Variants in CFAP119 observed in about 807,000 individuals in gnomAD.
The protein encoded by CFAP119 is cilia- and flagella-associated protein 119.
chr16:30,761,045 G>T, the CFAP119 span: 27 of 810,826 alleles, frequency 3.3e-5, no homozygotes, highest in Admixed American at 7.1e-4. Context: ...GACTGGAGAG[G>T]CTGGAAAGCC....
the CFAP119 span, chr16:30,760,015 A>G: frequency 1.3e-6 from 2 of 1,481,950 alleles, no homozygotes; most frequent in Non-Finnish European, 1.8e-6. Context: ...AGCAAGAGCT[A>G]TTAAACATTC....
the CFAP119 span, chr16:30,757,699 C>G: frequency 6.4e-7 from 1 of 1,565,876 alleles, no homozygotes; most frequent in Non-Finnish European, 8.7e-7. Context: ...GAGATGCTGT[C>G]TGGCAATGGG....
the CFAP119 span, chr16:30,757,592 G>C: frequency 7.4e-6 from 12 of 1,614,056 alleles, no homozygotes; most frequent in Non-Finnish European, 1.0e-5. Context: ...ACCAGCCCCT[G>C]GAGCTGCTCC....
At chr16:30,759,002 A>G in the CFAP119 span, 2 of 1,614,214 alleles carry the variant, frequency 1.2e-6, no homozygotes, top group South Asian at 1.1e-5. Flanking sequence ...TGCCCTCTCC[A>G]GATCCTCACT....
At chr16:30,760,917 T>C in the CFAP119 span, 1 of 613,484 alleles carries the variant, frequency 1.6e-6, no homozygotes, top group Non-Finnish European at 2.9e-6. Context: ...TGTATGACCT[T>C]GGTCAAGTAC....
At chr16:30,761,900 G>T in the CFAP119 span, 1 of 756,014 alleles carries the variant, frequency 1.3e-6, no homozygotes, top group East Asian at 2.8e-5. Flanking sequence ...CGAATCCGTG[G>T]GGGCGTCTCC....
the CFAP119 span, chr16:30,759,888 A>G: frequency 6.9e-7 from 1 of 1,445,972 alleles, no homozygotes; most frequent in Non-Finnish European, 9.1e-7. Flanking sequence ...TACCCACTAT[A>G]TGCCCACTGT....
chr16:30,759,653 C>T, the CFAP119 span: 1 of 1,614,038 alleles, frequency 6.2e-7, no homozygotes, highest in Non-Finnish European at 8.5e-7. Flanking sequence ...GGGGAACTGA[C>T]CCTGACTCCA....
At chr16:30,759,190 C>T in the CFAP119 span, 1 of 1,614,224 alleles carries the variant, frequency 6.2e-7, no homozygotes, top group Non-Finnish European at 8.5e-7. Flanking sequence ...GTCTCACTCT[C>T]TGGCCACAGT....
the CFAP119 span, chr16:30,760,614 C>CTCAGT: frequency 6.4e-7 from 1 of 1,557,984 alleles, no homozygotes; most frequent in East Asian, 2.4e-5. Context: ...ACTCCCTCAT[C>CTCAGT]TCAGCATTGG....
At chr16:30,761,040 G>C in the CFAP119 span, 4 of 754,410 alleles carry the variant, frequency 5.3e-6, no homozygotes, top group African/African-American at 1.8e-5. Flanking sequence ...CTTTGGACTG[G>C]AGAGGCTGGA....
the CFAP119 span, chr16:30,761,837 C>T: frequency 7.9e-7 from 1 of 1,259,370 alleles, no homozygotes; most frequent in Non-Finnish European, 1.1e-6. Context: ...CTACCAAGGC[C>T]GGGCCCGTTC....
chr16:30,761,151 A>G, the CFAP119 span: 11 of 1,604,908 alleles, frequency 6.9e-6, no homozygotes, highest in Non-Finnish European at 9.4e-6. Flanking sequence ...TGGGGAGACA[A>G]TAAAGAACGC....
At chr16:30,760,732 T>C in the CFAP119 span, 13 of 1,448,782 alleles carry the variant, frequency 9.0e-6, no homozygotes, top group South Asian at 1.3e-4. Context: ...CTGTGACAGC[T>C]AGTGCGTGAG....
At chr16:30,760,957 A>T in the CFAP119 span, 1 of 612,928 alleles carries the variant, frequency 1.6e-6, no homozygotes, top group Non-Finnish European at 2.9e-6. Context: ...CCCCCTCTGT[A>T]CAATACTCCT....
chr16:30,760,184 T>A, the CFAP119 span: 24 of 1,605,340 alleles, frequency 1.5e-5, no homozygotes, highest in Non-Finnish European at 1.9e-5. Flanking sequence ...AATGACATAT[T>A]CCAGGCAGAA....
chr16:30,760,493 T>C, the CFAP119 span: 2 of 1,612,198 alleles, frequency 1.2e-6, no homozygotes, highest in Non-Finnish European at 1.7e-6. Flanking sequence ...CTGGGCCTCC[T>C]TTCATCACCC....
At chr16:30,757,473 G>C in the CFAP119 span, 1 of 1,612,080 alleles carries the variant, frequency 6.2e-7, no homozygotes, top group Non-Finnish European at 8.5e-7. Flanking sequence ...AAAATGTTGG[G>C]GGTCACTTGG....
chr16:30,761,879 G>A, the CFAP119 span: 2 of 896,634 alleles, frequency 2.2e-6, no homozygotes, highest in Non-Finnish European at 1.6e-6. Flanking sequence ...GCGCGGAGAG[G>A]CGCGGCGGGG....
Sources: allele counts gnomAD v4.1 joint callset, GRCh38; gene constraint gnomAD v4.1.1; transcripts MANE v1.5; gene names NCBI Gene and HGNC (gene_info 2026-07-23, HGNC 2026-07-21).